Variants in MAPK8IP3 observed in about 807,000 individuals in gnomAD.
MAPK8IP3 encodes mitogen-activated protein kinase 8 interacting protein 3, also known as C-Jun-amino-terminal kinase-interacting protein 3.
Under a neutral mutation model 157.8 loss-of-function variants are expected in MAPK8IP3, and 49 were observed. The observed-to-expected ratio is 0.31, with a 90% CI of 0.25 to 0.39. The LOEUF (loss-of-function observed/expected upper bound fraction) is 0.39. Among genes scored for constraint, MAPK8IP3 ranks in the 10% least tolerant of loss-of-function variants. The pLI, the probability that MAPK8IP3 is intolerant of heterozygous loss-of-function variation, is 1.00. For missense variants in MAPK8IP3, 1,478 were observed against 1,889.4 expected (o/e 0.78, Z 4.04); for synonymous variants, 897 against 777.7 (o/e 1.15, Z -2.55).
At chr16:1,744,805 G>A in intron 5 of MAPK8IP3, 1 of 985,306 alleles carries the variant, frequency 1.0e-6, no homozygotes, top group Non-Finnish European at 1.2e-6. Flanking sequence ...ATAAATTGTA[G>A]CGTTTTATGT....
At chr16:1,759,902 G>A in intron 10 of MAPK8IP3, 56 bp from the exon 11 acceptor site, 1 of 1,480,642 alleles carries the variant, frequency 6.8e-7, no homozygotes, top group Non-Finnish European at 9.4e-7. Flanking sequence ...AGGTGCGGCG[G>A]CATCAGTGAC....
intron 5 of MAPK8IP3, chr16:1,744,482 T>C: frequency 1.0e-6 from 1 of 985,700 alleles, no homozygotes; most frequent in Middle Eastern, 5.2e-4. Context: ...TCATGGCATC[T>C]GGAACGCTCT....
At chr16:1,744,336 C>G in intron 5 of MAPK8IP3, 3 of 986,004 alleles carry the variant, frequency 3.0e-6, no homozygotes, top group Non-Finnish European at 3.6e-6. Context: ...TGGGACTTCT[C>G]CAGAAGCTTA....
intron 19 of MAPK8IP3, 69 bp downstream of exon 19, chr16:1,764,528 G>T: frequency 6.4e-7 from 1 of 1,551,670 alleles, no homozygotes; most frequent in Non-Finnish European, 8.7e-7. Context: ...TGCAGAGCAT[G>T]CTGGGAGTGA....
At position 1,724,380 on chromosome 16, in the gene MAPK8IP3, GGTGGTGGCCACAGCCAC is replaced by G. The variant is rs1461738485; in HGVS notation, c.319-172_319-156del. Among the ~76,000 whole-genome samples the G allele has an allele frequency of 6.6e-6, 1 of 152,224 alleles. No individual in the cohort carries two copies. The highest frequency in any genetic ancestry group is 1.5e-5 in the Non-Finnish European group (1 of 68,034). On this transcript the variant is annotated intron_variant, in intron 1 of 31. Transcript: ENST00000610761. The surrounding 1 kb of genome is among the most constrained non-coding windows in gnomAD (Gnocchi z 4.1). ...ATGGCTCCTCACTGTGCCTGAGGAG[GGTGGTGGCCACAGCCAC>G]GTGGCGGGAAGCCCCCATTCCGGCC...
At position 1,724,509 on chromosome 16, in the gene MAPK8IP3, T is replaced by C. The variant is rs2038740141; in HGVS notation, c.319-48T>C. On this transcript the variant is annotated intron_variant, in intron 1 of 31. Transcript: ENST00000610761. This position sits in a 1 kb window ranked among gnomAD's most constrained non-coding sequence, Gnocchi z 4.1. ...GGCCCTTCAAGTGAAAGGCGGCTGC[T>C]CCACACTCACTCCTGATGACTGCTC... 1 of 1,597,302 alleles carries C rather than the reference T, an allele frequency of 6.3e-7. No individual in the cohort carries two copies. The highest frequency in any genetic ancestry group is 8.5e-7 in the Non-Finnish European group (1 of 1,170,432).
intron 10 of MAPK8IP3, among the ~76,000 whole-genome samples, chr16:1,759,613 C>T (rs1457966928): frequency 1.3e-5 from 2 of 152,230 alleles, no homozygotes; most frequent in African/African-American, 4.8e-5. Flanking sequence ...GCAGCTCCAA[C>T]ATCACTCGCC....
chr16:1,764,087 G>A (rs1423355775), intron 17 of MAPK8IP3, 28 bp from the exon 18 acceptor site: 2 of 1,568,512 alleles, frequency 1.3e-6, no homozygotes, highest in Admixed American at 1.8e-5. Flanking sequence ...CAGGGTTCGT[G>A]CCCACGGCGC....
chr16:1,731,493 C>T (rs1215740931), intron 4 of MAPK8IP3, among the ~76,000 whole-genome samples: 1 of 152,180 alleles, frequency 6.6e-6, no homozygotes, highest in Non-Finnish European at 1.5e-5. Flanking sequence ...GGAGAGGAGA[C>T]AGGAGGGCCA....
At chr16:1,723,270 C>T (rs1190443653) in intron 1 of MAPK8IP3, among the ~76,000 whole-genome samples, 3 of 151,848 alleles carry the variant, frequency 2.0e-5, no homozygotes, top group Non-Finnish European at 2.9e-5. Context: ...CCTGAGCTCA[C>T]ATGATCCATC....
At chr16:1,719,686 A>C (rs1029809141) in intron 1 of MAPK8IP3, among the ~76,000 whole-genome samples, 2 of 151,262 alleles carry the variant, frequency 1.3e-5, no homozygotes, top group Admixed American at 1.3e-4. Context: ...AAAAAAAAAA[A>C]ACCACAAAAA....
intron 4 of MAPK8IP3, among the ~76,000 whole-genome samples, chr16:1,739,165 T>C (rs1342376186): frequency 8.0e-6 from 1 of 125,094 alleles, no homozygotes; most frequent in African/African-American, 3.1e-5. Flanking sequence ...TCCGTGTGAG[T>C]GTGACCATCC....
intron 4 of MAPK8IP3, among the ~76,000 whole-genome samples, chr16:1,738,313 C>T (rs2040228760): frequency 2.6e-5 from 2 of 76,856 alleles, no homozygotes; most frequent in African/African-American, 5.6e-5. Flanking sequence ...TGTGACCGTC[C>T]GTGTGAGCAT....
At chr16:1,746,742 C>A in intron 5 of MAPK8IP3, 1 of 450,598 alleles carries the variant, frequency 2.2e-6, no homozygotes, top group Non-Finnish European at 4.0e-6. Context: ...CCATTACAAG[C>A]AATCGTCTGG....
chr16:1,743,540 G>C lies in MAPK8IP3; in HGVS notation c.747+64G>C. 5 of 1,564,598 alleles carry C rather than the reference G, an allele frequency of 3.2e-6. No individual in the cohort carries two copies. The Middle Eastern group carries it at 5.6e-4, about 174-fold the overall frequency. On this transcript the variant is annotated intron_variant, in intron 5 of 31. Coordinates refer to ENST00000610761, the MANE Select transcript of MAPK8IP3 (RefSeq NM_001318852.2). The surrounding 1 kb of genome is among the most constrained non-coding windows in gnomAD (Gnocchi z 5.6). ...GTTGCTGGTGTTCCCCGTTCACTGG[G>C]GCGGGAGCCTCGTCTGCAGGCAGCC...
chr16:1,725,324 C>T (rs2038803198), intron 2 of MAPK8IP3, among the ~76,000 whole-genome samples: 3 of 149,288 alleles, frequency 2.0e-5, no homozygotes, highest in African/African-American at 7.4e-5. Context: ...ACAGAGACCT[C>T]ATCTCTTAAA....
chr16:1,760,225 G>A, intron 11 of MAPK8IP3, 155 bp from the exon 12 acceptor site: 1 of 1,051,134 alleles, frequency 9.5e-7, no homozygotes, highest in African/African-American at 1.6e-5. Context: ...GGTGCTATAG[G>A]GTTTAGCTAA....
intron 4 of MAPK8IP3, among the ~76,000 whole-genome samples, chr16:1,734,459 G>A (rs1017424927): frequency 3.9e-5 from 6 of 152,248 alleles, no homozygotes; most frequent in Non-Finnish European, 7.3e-5. Context: ...TGGCCAGGAA[G>A]GAGAGGGTGG....
At position 1,708,946 on chromosome 16, in the gene MAPK8IP3, G is replaced by T. The variant is rs932600298; in HGVS notation, c.318+2289G>T. Reference sequence around the variant, plus strand: ...CCCTGTGGGTCGGCGTCTTTTCTAGGCAGGGACTTGTGATCACATAGACGT... The same window carrying T: ...CCCTGTGGGTCGGCGTCTTTTCTAGTCAGGGACTTGTGATCACATAGACGT... On this transcript the variant is annotated intron_variant, in intron 1 of 31. Coordinates refer to ENST00000610761, the MANE Select transcript of MAPK8IP3 (RefSeq NM_001318852.2). Among the ~76,000 whole-genome samples, 11 of 152,306 alleles carry T rather than the reference G, an allele frequency of 7.2e-5. No individual in the cohort carries two copies. In the South Asian group the frequency reaches 8.3e-4, roughly 11 times the overall value.
Sources: gnomAD v4.1 joint callset for allele counts (sites outside exome capture counted in the v4.1 genomes callset) on GRCh38, gnomAD v4.1.1 for gene constraint, Gnocchi (gnomAD v3.1) non-coding constraint, MANE v1.5 for transcripts, NCBI Gene and HGNC (gene_info 2026-07-23, HGNC 2026-07-21) for gene names.